The following CCDC127 variants were observed in gnomAD, a reference collection of about 807,000 sequenced individuals.
CCDC127 encodes coiled-coil domain-containing protein 127.
A neutral mutation model predicts 4.1 loss-of-function variants in CCDC127; 2 were observed. The observed-to-expected ratio is 0.49, with a 90% CI of 0.20 to 1.53. The LOEUF is 1.53. Ranked by LOEUF, CCDC127 falls within the 40% of genes most tolerant of loss-of-function variation. The pLI is 0.23. For synonymous variants in CCDC127, 98 were observed against 120.4 expected (o/e 0.81, Z 1.22); for missense variants, 271 against 322.9 (o/e 0.84, Z 1.23).
chr5:203,230 T>A lies in CCDC127; in HGVS notation c.*2067A>T, dbSNP rs767518378. ...TCCTGCCTGGGTGACAGAGATTCCCTCTCAAAAAAAATAAAAAATGAAAAT... is the reference window on the plus strand; with the variant it reads ...TCCTGCCTGGGTGACAGAGATTCCCACTCAAAAAAAATAAAAAATGAAAAT... On this transcript the variant is annotated 3_prime_UTR_variant, in exon 3 of 3. Transcript: ENST00000296824. 2.0e-5 allele frequency: 3 copies of A among 151,138 alleles called. No individual in the cohort carries two copies. The highest frequency in any genetic ancestry group is 4.4e-5 in the Non-Finnish European group (3 of 67,864). 9.4% of individuals were successfully genotyped at this position (151,138 alleles called of 1,614,324 possible).
chr5:214,375 AATAAAAT>A (rs1371727907), intron 2 of CCDC127: 2 of 152,216 alleles, frequency 1.3e-5, no homozygotes, highest in African/African-American at 4.8e-5. Flanking sequence ...ATGACCCCAA[AATAAAAT>A]ATTTAATTAA....
At chr5:207,537 G>A (rs1734199397) in intron 2 of CCDC127, among the ~76,000 whole-genome samples, 1 of 152,182 alleles carries the variant, frequency 6.6e-6, no homozygotes, top group Non-Finnish European at 1.5e-5. Flanking sequence ...GAAGCTGCAA[G>A]GAAAAGTCAC....
In CCDC127 at chr5:197,363, G is replaced by A. The variant is rs929412217; in HGVS notation, c.*7934C>T. 10 of 152,198 alleles carry A rather than the reference G, an allele frequency of 6.6e-5. No homozygotes were observed. Among genetic ancestry groups the A allele is most frequent in the Admixed American group, 6.5e-4 (10 of 15,286 alleles). 9.4% of individuals were successfully genotyped at this position (152,198 alleles called of 1,614,324 possible). A position where few individuals can be genotyped will look rare whatever the true frequency, so the allele number is the denominator to read the frequency against. ...AGCACAGACCCTTTACGGGTGTCGG[G>A]CTGGGGGACGGTCAGGTCTTTCTCA... On this transcript the variant is annotated 3_prime_UTR_variant, in exon 3 of 3. Transcript: ENST00000296824.
Position 197,971 on chromosome 5 carries a change from C to T in CCDC127, c.*7326G>A, listed in dbSNP as rs1024523202. The T allele has an allele frequency of 3.3e-5, 5 of 152,206 alleles. No homozygotes were observed. The highest frequency in any genetic ancestry group is 7.3e-5 in the Non-Finnish European group (5 of 68,218). 9.4% of individuals were successfully genotyped at this position (152,206 alleles called of 1,614,324 possible). On this transcript the variant is annotated 3_prime_UTR_variant, in exon 3 of 3. Transcript: ENST00000296824. The stretch of plus-strand genomic sequence containing the variant: ...CACCCCAATGGTCCCCGTGTCACCC[C>T]ACCCCAGCTGCCCCCAGGTCACCCC...
chr5:208,808 C>T (rs774377458), intron 2 of CCDC127, among the ~76,000 whole-genome samples: 1 of 152,220 alleles, frequency 6.6e-6, no homozygotes, highest in African/African-American at 2.4e-5. Flanking sequence ...TAAATAAAAA[C>T]CAGTGTTTCA....
chr5:199,334 T>TGTG lies in CCDC127; in HGVS notation c.*5960_*5962dup, dbSNP rs775005533. On this transcript the variant is annotated 3_prime_UTR_variant, in exon 3 of 3. Coordinates refer to ENST00000296824, the MANE Select transcript of CCDC127 (RefSeq NM_145265.3). ...CTGTGTGGTGGACGTGGCCCCTCTGTGTGGACGTGGCCCCTCTGTGTGGTG... is the reference window on the plus strand; with the variant it reads ...CTGTGTGGTGGACGTGGCCCCTCTGTGTGGTGGACGTGGCCCCTCTGTGTGGTG... 8 of 159,704 alleles carry TGTG rather than the reference T, an allele frequency of 5.0e-5. No individual in the cohort carries two copies. The highest frequency in any genetic ancestry group is 8.1e-5 in the Non-Finnish European group (6 of 73,970). The allele number at this position is 159,704 out of a possible 1,614,324, so 9.9% of individuals were successfully genotyped here. A position where few individuals can be genotyped will look rare whatever the true frequency, so the allele number is the denominator to read the frequency against.
At chr5:217,418 T>A (rs1015016605) in intron 1 of CCDC127, 2 of 153,800 alleles carry the variant, frequency 1.3e-5, no homozygotes, top group African/African-American at 4.8e-5. Context: ...CAATTGAACC[T>A]TTAAACCAAT....
intron 2 of CCDC127, among the ~76,000 whole-genome samples, chr5:211,165 C>G (rs397832588): frequency 2.4e-3 from 170 of 71,468 alleles, no homozygotes; most frequent in South Asian, 3.5e-3. Flanking sequence ...ACACCCATCA[C>G]GATGGGGCAG....
At position 218,103 on chromosome 5, in the gene CCDC127, G is replaced by A. The variant is rs1242220075; in HGVS notation, c.-21C>T. 2 of 1,208,556 alleles carry A rather than the reference G, an allele frequency of 1.7e-6. No homozygotes were observed. The highest frequency in any genetic ancestry group is 2.1e-6 in the Non-Finnish European group (2 of 970,658). The allele number at this position is 1,208,556 out of a possible 1,614,324, so 74.9% of individuals were successfully genotyped here. A position where few individuals can be genotyped will look rare whatever the true frequency, so the allele number is the denominator to read the frequency against. The stretch of plus-strand genomic sequence containing the variant: ...CAGGGCCCGCTCTACCTCGGTCGGG[G>A]AGCGCGGGACCTCAGCGTTCCCTTA... On this transcript the variant is annotated 5_prime_UTR_variant, in exon 1 of 3. Transcript: ENST00000296824.
chr5:213,988 T>TA (rs1158037875), intron 2 of CCDC127: 1 of 152,206 alleles, frequency 6.6e-6, no homozygotes, highest in African/African-American at 2.4e-5. Flanking sequence ...GTCCATGTCA[T>TA]AAAACACGAC....
rs750662444 is a variant in CCDC127, at chr5:205,663, A to G, written c.417T>C (p.Ser139=). 6 of 1,613,888 alleles carry G rather than the reference A, an allele frequency of 3.7e-6. No individual in the cohort carries two copies. The highest frequency in any genetic ancestry group is 5.1e-6 in the Non-Finnish European group (6 of 1,180,002). The change falls in exon 3 of 3, where the codon AGT becomes AGC. Residue 139 remains serine (S), a synonymous_variant. Coordinates refer to ENST00000296824, the MANE Select transcript of CCDC127 (RefSeq NM_145265.3). ...QEKRQVQPLR[S]AYLSCLQREE... Reference sequence around the variant, plus strand: ...CCCTTTGCAGGCAGCTCAAATACGCACTTCTCAAAGGCTGCACCTGTCTTT... The same window carrying G: ...CCCTTTGCAGGCAGCTCAAATACGCGCTTCTCAAAGGCTGCACCTGTCTTT...
In CCDC127 at chr5:203,277, A is replaced by G. The variant is rs527669743; in HGVS notation, c.*2020T>C. The G allele has an allele frequency of 6.6e-6, 1 of 152,274 alleles. No individual in the cohort carries two copies. Among genetic ancestry groups the G allele is most frequent in the African/African-American group, 2.4e-5 (1 of 41,538 alleles). The allele number at this position is 152,274 out of a possible 1,614,324, so 9.4% of individuals were successfully genotyped here. On this transcript the variant is annotated 3_prime_UTR_variant, in exon 3 of 3. Coordinates refer to ENST00000296824, the MANE Select transcript of CCDC127 (RefSeq NM_145265.3). ...AAATAAAAGTGACTTTTTCTCAGAT[A>G]AAGCGATGGTGGTAGAGCAGAGAGG...
intron 2 of CCDC127, chr5:214,309 T>G (rs761626991): frequency 4.6e-5 from 7 of 152,162 alleles, no homozygotes; most frequent in Non-Finnish European, 8.8e-5. Context: ...TGGGGAAAGC[T>G]GGGTAGAGGG....
At chr5:207,856 G>A (rs868051319) in intron 2 of CCDC127, among the ~76,000 whole-genome samples, 50 of 152,112 alleles carry the variant, frequency 3.3e-4, no homozygotes, top group African/African-American at 1.2e-3. Flanking sequence ...TACAATCTGG[G>A]GACGATCTCA....
intron 2 of CCDC127, among the ~76,000 whole-genome samples, chr5:210,160 A>C (rs1734252747): frequency 6.6e-6 from 1 of 152,230 alleles, no homozygotes; most frequent in African/African-American, 2.4e-5. Context: ...AATTAACTCA[A>C]ATGGGTAAGG....
At position 217,064 on chromosome 5, in the gene CCDC127, G is replaced by A. The variant is rs187855440; in HGVS notation, c.-10-205C>T. Reference sequence around the variant, plus strand: ...GAGAATCGCTTGAACCTGGGAGGTGGAGGTTGCAGTGAGTCGAGGTCGCGC... The same window carrying A: ...GAGAATCGCTTGAACCTGGGAGGTGAAGGTTGCAGTGAGTCGAGGTCGCGC... On this transcript the variant is annotated intron_variant, in intron 1 of 2. Coordinates refer to ENST00000296824, the MANE Select transcript of CCDC127 (RefSeq NM_145265.3). The A allele has an allele frequency of 4.3e-3, 2,254 of 529,320 alleles. 9 individuals are homozygous for A. The highest frequency in any genetic ancestry group is 5.5e-3 in the Admixed American group (158 of 28,484). The allele number at this position is 529,320 out of a possible 1,614,324, so 32.8% of individuals were successfully genotyped here.
intron 2 of CCDC127, among the ~76,000 whole-genome samples, chr5:208,791 G>A (rs1429277060): frequency 3.9e-5 from 6 of 152,324 alleles, no homozygotes; most frequent in East Asian, 3.9e-4. Flanking sequence ...AGCTAAGACC[G>A]AAGGTTTAAA....
At position 204,358 on chromosome 5, in the gene CCDC127, T is replaced by C. The variant is rs1156711176; in HGVS notation, c.*939A>G. On this transcript the variant is annotated 3_prime_UTR_variant, in exon 3 of 3. Coordinates refer to ENST00000296824, the MANE Select transcript of CCDC127 (RefSeq NM_145265.3). ...TAATACTCACTTCACAGGATTCGAC[T>C]GAGGATTCCATGAGTGAACAGGTAT... 1.3e-5 allele frequency: 2 copies of C among 152,256 alleles called. No individual in the cohort carries two copies. Among genetic ancestry groups the C allele is most frequent in the Non-Finnish European group, 2.9e-5 (2 of 68,048 alleles). The allele number at this position is 152,256 out of a possible 1,614,324, so 9.4% of individuals were successfully genotyped here. A position where few individuals can be genotyped will look rare whatever the true frequency, so the allele number is the denominator to read the frequency against.
Position 199,813 on chromosome 5 carries a change from G to A in CCDC127, c.*5484C>T, listed in dbSNP as rs1734038222. The A allele has an allele frequency of 6.6e-6, 1 of 152,396 alleles. No individual in the cohort carries two copies. Among genetic ancestry groups the A allele is most frequent in the East Asian group, 1.9e-4 (1 of 5,182 alleles). 9.4% of individuals were successfully genotyped at this position (152,396 alleles called of 1,614,324 possible). ...TGGAATATTAAACAGAGCCACTTGA[G>A]TGCCCCAATGTGGCACTTTCTGCCC... On this transcript the variant is annotated 3_prime_UTR_variant, in exon 3 of 3. Transcript: ENST00000296824.
Sources: gnomAD v4.1 joint callset for allele counts (sites outside exome capture counted in the v4.1 genomes callset) on GRCh38, gnomAD v4.1.1 for gene constraint, MANE v1.5 for transcripts, NCBI Gene and HGNC (gene_info 2026-07-23, HGNC 2026-07-21) for gene names.